UPF3B: variants seen among roughly 807,000 people sequenced by gnomAD.
UPF3B encodes the protein regulator of nonsense transcripts 3B.
Under a neutral mutation model 40.3 loss-of-function variants are expected in UPF3B, and 7 were observed. The observed-to-expected ratio is 0.17, with a 90% CI of 0.10 to 0.33. The LOEUF is 0.33. UPF3B is among the 10% of genes least tolerant of loss of function. The pLI is 1.00. For missense variants in UPF3B, 229 were observed against 358.9 expected (o/e 0.64, Z 2.93); for synonymous variants, 117 against 117.3 (o/e 1.00, Z 0.01).
Position 119,851,449 on chromosome X carries a change from C to A in UPF3B, c.370+46G>T, listed in dbSNP as rs1382016848. Reference sequence around the variant, plus strand: ...CAATGCACGAGTTGTCTTAAACATACAAATGACAAAGAAATTCCCTTTTTA... The same window carrying A: ...CAATGCACGAGTTGTCTTAAACATAAAAATGACAAAGAAATTCCCTTTTTA... On this transcript the variant is annotated intron_variant, in intron 3 of 10. Transcript: ENST00000276201. 3 of 980,128 alleles carry A rather than the reference C, an allele frequency of 3.1e-6. No individual in the cohort carries two copies. The African/African-American group carries it at 5.7e-5, about 19-fold the overall frequency. 80.8% of individuals were successfully genotyped at this position (980,128 alleles called of 1,213,427 possible).
chrX:119,814,501 A>G (rs926588887), intron 5 of UPF3B, among the ~76,000 whole-genome samples: 1 of 112,405 alleles, frequency 8.9e-6, no homozygotes, highest in Non-Finnish European at 1.9e-5. Context: ...TGTTGCTTCT[A>G]TACTACCCAA....
chrX:119,852,729 C>T (rs767652436), intron 1 of UPF3B, 44 bp downstream of exon 1: 1 of 1,210,357 alleles, frequency 8.3e-7, no homozygotes, highest in Non-Finnish European at 1.1e-6. Flanking sequence ...CCCCGCGCTG[C>T]GGACTCGTCC....
intron 4 of UPF3B, among the ~76,000 whole-genome samples, chrX:119,820,442 A>T (rs2428994): frequency 0.11 from 9,834 of 93,464 alleles, 1,147 homozygotes; most frequent in African/African-American, 0.35. Context: ...TGTGCCACCA[A>T]GCCCGGCCTT....
chrX:119,840,702 CA>C lies in UPF3B; in HGVS notation c.808-19del, dbSNP rs1374112139. On this transcript the variant is annotated intron_variant, in intron 7 of 10. Transcript: ENST00000276201. Reference sequence around the variant, plus strand: ...CTGTGTACCTGAAGACAGTGGAAAACAAACAGATGAGGTAACTTCATGTATC... The same window carrying C: ...CTGTGTACCTGAAGACAGTGGAAAACAACAGATGAGGTAACTTCATGTATC... 1 of 1,199,963 alleles carries C rather than the reference CA, an allele frequency of 8.3e-7. No homozygotes were observed. Among genetic ancestry groups the C allele is most frequent in the Non-Finnish European group, 1.1e-6 (1 of 886,864 alleles).
chrX:119,807,255 A>G lies in UPF3B; in HGVS notation c.*11+220T>C, dbSNP rs758776194. ...CAAAAGCAATGAAATTGTACTTCCAATTCTGAACCTCTGATCAGATTCCTG... is the reference window on the plus strand; with the variant it reads ...CAAAAGCAATGAAATTGTACTTCCAGTTCTGAACCTCTGATCAGATTCCTG... On this transcript the variant is annotated intron_variant, in intron 6 of 6. Transcript: ENST00000636792. Among the ~76,000 whole-genome samples, 12 of 111,551 alleles carry G rather than the reference A, an allele frequency of 1.1e-4. No homozygotes were observed. In the South Asian group the frequency reaches 2.9e-3, roughly 27 times the overall value.
chrX:119,837,353 C>T (rs1314514140), intron 10 of UPF3B, among the ~76,000 whole-genome samples: 2 of 109,521 alleles, frequency 1.8e-5, no homozygotes, highest in African/African-American at 6.6e-5. Context: ...TGGTGGCTCA[C>T]GCCTGTAATC....
intron 4 of UPF3B, among the ~76,000 whole-genome samples, chrX:119,817,010 G>A (rs112617451): frequency 0.05 from 5,492 of 110,312 alleles, 126 homozygotes; most frequent in East Asian, 0.15. Context: ...CGCTCTTGTC[G>A]CCCAGGCTGG....
intron 4 of UPF3B, among the ~76,000 whole-genome samples, chrX:119,844,397 T>C (rs1482967996): frequency 9.0e-6 from 1 of 110,971 alleles, no homozygotes; most frequent in African/African-American, 3.3e-5. Context: ...GTGTAGCTAA[T>C]TGTATATCCA....
intron 3 of UPF3B, among the ~76,000 whole-genome samples, chrX:119,849,934 A>AAAAAC (rs1204797971): frequency 9.1e-6 from 1 of 110,420 alleles, no homozygotes; most frequent in Non-Finnish European, 1.9e-5. Context: ...TCTAAGATTT[A>AAAAAC]AAAACAAAAC....
At chrX:119,838,338 A>G in intron 9 of UPF3B, 29 bp downstream of exon 9, 1 of 1,205,964 alleles carries the variant, frequency 8.3e-7, no homozygotes, top group Non-Finnish European at 1.1e-6. Context: ...GTATAAATCA[A>G]ACATAACAAA....
intron 1 of UPF3B, 71 bp downstream of exon 1, chrX:119,852,702 C>G: frequency 1.7e-6 from 2 of 1,190,279 alleles, no homozygotes; most frequent in Non-Finnish European, 2.3e-6. Flanking sequence ...GGGGGCAGCC[C>G]CATTCCCAGC....
chrX:119,817,749 A>G (rs1786795810), intron 4 of UPF3B, among the ~76,000 whole-genome samples: 1 of 112,087 alleles, frequency 8.9e-6, no homozygotes, highest in African/African-American at 3.2e-5. Flanking sequence ...AAGAGCTCCT[A>G]TCAGCGAAAA....
intron 3 of UPF3B, among the ~76,000 whole-genome samples, chrX:119,845,874 CTATT>C (rs1301810744): frequency 9.1e-6 from 1 of 110,212 alleles, no homozygotes; most frequent in Non-Finnish European, 1.9e-5. Context: ...AAAAGTGTAA[CTATT>C]TGAGGTGATG....
At chrX:119,838,101 C>G in intron 9 of UPF3B, 50 bp from the exon 10 acceptor site, 1 of 1,191,936 alleles carries the variant, frequency 8.4e-7, no homozygotes, top group Non-Finnish European at 1.1e-6. Flanking sequence ...CTTGTAATCA[C>G]AAATGCAGGA....
At chrX:119,849,572 T>G (rs1344454565) in intron 3 of UPF3B, among the ~76,000 whole-genome samples, 1 of 108,384 alleles carries the variant, frequency 9.2e-6, no homozygotes, top group Non-Finnish European at 1.9e-5. Flanking sequence ...GTGATATATT[T>G]GAGAAGGAAT....
intron 10 of UPF3B, among the ~76,000 whole-genome samples, chrX:119,836,938 C>G (rs2056101223): frequency 9.4e-6 from 1 of 106,622 alleles, no homozygotes; most frequent in African/African-American, 3.4e-5. Flanking sequence ...GCGTGAGCCA[C>G]CGCGCCCGGC....
chrX:119,821,871 C>T (rs970698053), intron 4 of UPF3B, among the ~76,000 whole-genome samples: 2 of 111,780 alleles, frequency 1.8e-5, no homozygotes, highest in Non-Finnish European at 3.8e-5. Flanking sequence ...TAGCTTCATA[C>T]TTGACTGCTG....
chrX:119,823,352 T>C (rs1400525768), intron 3 of UPF3B, among the ~76,000 whole-genome samples: 1 of 111,096 alleles, frequency 9.0e-6, no homozygotes, highest in African/African-American at 3.3e-5. Context: ...GAAGGAATCC[T>C]ACCACCTCAG....
At chrX:119,842,537 G>A (rs1176360041) in intron 5 of UPF3B, among the ~76,000 whole-genome samples, 2 of 107,804 alleles carry the variant, frequency 1.9e-5, no homozygotes, top group African/African-American at 3.4e-5. Context: ...CCGAGATTGC[G>A]ACACTGCACT....
Sources: gnomAD v4.1 joint callset for allele counts (sites outside exome capture counted in the v4.1 genomes callset) on GRCh38, gnomAD v4.1.1 for gene constraint, MANE v1.5 for transcripts, NCBI Gene and HGNC (gene_info 2026-07-23, HGNC 2026-07-21) for gene names.